GRIK2: variants seen among roughly 807,000 people sequenced by gnomAD.
GRIK2 encodes the protein glutamate receptor ionotropic, kainate 2.
A neutral mutation model predicts 100.3 loss-of-function variants in GRIK2; 32 were observed. That is an observed-to-expected ratio of 0.32 (90% CI 0.24 to 0.43). The LOEUF (loss-of-function observed/expected upper bound fraction) is 0.43, where lower values mean the gene tolerates loss of function less well. Ranked by LOEUF, GRIK2 falls within the 20% of genes least tolerant of loss-of-function variation. The probability of loss-of-function intolerance (pLI) is 1.00; values close to 1 mark genes in which losing one functional copy is unlikely to be tolerated. For synonymous variants in GRIK2, 417 were observed against 389.4 expected, an observed-to-expected ratio of 1.07 and a Z score of -0.83; for missense variants, 843 against 1,114.9, an observed-to-expected ratio of 0.76 and a Z score of 3.47.
chr6:102,028,510 A>G (rs1231518708), intron 14 of GRIK2, among the ~76,000 whole-genome samples: 2 of 151,314 alleles, frequency 1.3e-5, no homozygotes, highest in Non-Finnish European at 3.0e-5. Flanking sequence ...GGAATAAAAT[A>G]GAAATACATT....
chr6:101,559,716 G>T (rs1438695607), intron 2 of GRIK2, among the ~76,000 whole-genome samples: 3 of 151,930 alleles, frequency 2.0e-5, no homozygotes, highest in East Asian at 3.9e-4. Context: ...ACACATATTT[G>T]TGATTTCCTT....
chr6:102,034,887 T>C (rs1303510035), intron 14 of GRIK2, among the ~76,000 whole-genome samples: 5 of 151,274 alleles, frequency 3.3e-5, no homozygotes, highest in Non-Finnish European at 7.4e-5. Context: ...TTAACCCAAG[T>C]TGGGGGAAAA....
intron 7 of GRIK2, among the ~76,000 whole-genome samples, chr6:101,787,785 G>C (rs1180929545): frequency 1.3e-5 from 2 of 152,086 alleles, no homozygotes; most frequent in Non-Finnish European, 2.9e-5. Context: ...GCAGTTGTTG[G>C]ATGAAAGGTT....
intron 2 of GRIK2, among the ~76,000 whole-genome samples, chr6:101,611,508 C>T (rs369114954): frequency 6.6e-6 from 1 of 151,734 alleles, no homozygotes; most frequent in South Asian, 2.1e-4. Context: ...TTTATTTCAC[C>T]TGAAATATTG....
intron 7 of GRIK2, among the ~76,000 whole-genome samples, chr6:101,714,937 CTT>C (rs932089370): frequency 1.4e-4 from 21 of 151,654 alleles, no homozygotes; most frequent in East Asian, 3.9e-4. Flanking sequence ...CAAATACACT[CTT>C]ATAAAATGTG....
chr6:101,754,466 T>A (rs1776998205), intron 7 of GRIK2, among the ~76,000 whole-genome samples: 1 of 152,182 alleles, frequency 6.6e-6, no homozygotes, highest in Non-Finnish European at 1.5e-5. Context: ...GCTGTCTGAT[T>A]TGGGGCATTT....
At chr6:101,814,774 G>A (rs1781534445) in intron 9 of GRIK2, among the ~76,000 whole-genome samples, 1 of 152,060 alleles carries the variant, frequency 6.6e-6, no homozygotes, top group South Asian at 2.1e-4. Flanking sequence ...AACAATGATA[G>A]TTGAATCACG....
intron 14 of GRIK2, among the ~76,000 whole-genome samples, chr6:102,019,071 A>T (rs1210698613): frequency 6.6e-6 from 1 of 152,096 alleles, no homozygotes; most frequent in Non-Finnish European, 1.5e-5. Flanking sequence ...TTATTTAAAT[A>T]GATTTTTGTT....
chr6:101,999,677 A>T (rs1231296573), intron 14 of GRIK2, among the ~76,000 whole-genome samples: 5 of 152,094 alleles, frequency 3.3e-5, no homozygotes, highest in Non-Finnish European at 7.4e-5. Flanking sequence ...TGACTATATA[A>T]GTTTTTTGTG....
At chr6:101,454,135 T>C (rs1770864439) in intron 2 of GRIK2, among the ~76,000 whole-genome samples, 1 of 152,100 alleles carries the variant, frequency 6.6e-6, no homozygotes. Flanking sequence ...TCTTTCCTGT[T>C]TTCTTTTTCT....
intron 2 of GRIK2, among the ~76,000 whole-genome samples, chr6:101,557,717 T>C (rs1264439205): frequency 6.6e-6 from 1 of 152,172 alleles, no homozygotes; most frequent in Non-Finnish European, 1.5e-5. Context: ...ACAGAAAATT[T>C]CTACTGAGAT....
intron 4 of GRIK2, among the ~76,000 whole-genome samples, chr6:101,627,245 G>A (rs151023590): frequency 2.3e-3 from 350 of 151,980 alleles, no homozygotes; most frequent in Middle Eastern, 0.01. Flanking sequence ...AGGTTCAAGC[G>A]ATTCTCCTGC....
At chr6:101,893,186 ACT>A (rs1229457454) in intron 12 of GRIK2, among the ~76,000 whole-genome samples, 1 of 151,214 alleles carries the variant, frequency 6.6e-6, no homozygotes, top group Non-Finnish European at 1.5e-5. Context: ...TATAGAGGTC[ACT>A]GATATACTCA....
intron 10 of GRIK2, among the ~76,000 whole-genome samples, chr6:101,826,363 T>C (rs1230892328): frequency 4.6e-5 from 7 of 151,930 alleles, no homozygotes; most frequent in South Asian, 2.1e-4. Context: ...CAAAAATCTA[T>C]TGAGGAATGT....
At chr6:101,560,927 G>A (rs1199003808) in intron 2 of GRIK2, among the ~76,000 whole-genome samples, 5 of 152,100 alleles carry the variant, frequency 3.3e-5, no homozygotes, top group East Asian at 3.9e-4. Flanking sequence ...GAAAATAAAT[G>A]TAAAAGGCTA....
chr6:101,743,788 T>A (rs901169523), intron 7 of GRIK2, among the ~76,000 whole-genome samples: 1 of 152,194 alleles, frequency 6.6e-6, no homozygotes, highest in African/African-American at 2.4e-5. Flanking sequence ...TAGGTAGCCA[T>A]TATATTTGCT....
intron 4 of GRIK2, among the ~76,000 whole-genome samples, chr6:101,665,504 C>G (rs1489988505): frequency 6.6e-6 from 1 of 152,206 alleles, no homozygotes; most frequent in African/African-American, 2.4e-5. Flanking sequence ...ATGGTTTCAC[C>G]TAGGTGATTT....
intron 15 of GRIK2, among the ~76,000 whole-genome samples, chr6:102,047,501 G>C (rs1770954739): frequency 6.6e-6 from 1 of 152,064 alleles, no homozygotes; most frequent in South Asian, 2.1e-4. Flanking sequence ...TGTAATCTCA[G>C]TACTTTGGGA....
chr6:101,990,876 G>A (rs374949564), intron 14 of GRIK2, among the ~76,000 whole-genome samples: 2 of 151,568 alleles, frequency 1.3e-5, no homozygotes, highest in East Asian at 1.9e-4. Context: ...GTCATAAAAA[G>A]GAACATTTTA....
Sources: gnomAD v4.1 joint callset for allele counts (sites outside exome capture counted in the v4.1 genomes callset) on GRCh38, gnomAD v4.1.1 for gene constraint, MANE v1.5 for transcripts, NCBI Gene and HGNC (gene_info 2026-07-23, HGNC 2026-07-21) for gene names.